Variants in ZNRF1 observed in about 807,000 individuals in gnomAD.
ZNRF1 encodes zinc and ring finger 1.
A neutral mutation model predicts 18.4 loss-of-function variants in ZNRF1; 3 were observed. The observed-to-expected ratio is 0.16, with a 90% CI of 0.07 to 0.42. The LOEUF is 0.42. Among genes scored for constraint, ZNRF1 ranks in the 10% least tolerant of loss-of-function variants. ZNRF1 has a pLI of 0.99. For missense variants in ZNRF1, 310 were observed against 329.8 expected (o/e 0.94, Z 0.47); for synonymous variants, 157 against 144.2 (o/e 1.09, Z -0.64).
intron 1 of ZNRF1, among the ~76,000 whole-genome samples, chr16:75,059,229 C>CTTTTTTTT (rs35291578): frequency 2.1e-3 from 192 of 92,902 alleles, no homozygotes; most frequent in African/African-American, 3.0e-3. Context: ...TTCTTTCTTT[C>CTTTTTTTT]TTTTTTTTTT....
At chr16:75,031,491 T>G (rs974528067) in intron 1 of ZNRF1, among the ~76,000 whole-genome samples, 1 of 151,646 alleles carries the variant, frequency 6.6e-6, no homozygotes, top group African/African-American at 2.4e-5. Context: ...TTTCTAAGGT[T>G]TTTTGTTTGT....
At chr16:75,003,138 T>G (rs1486121107) in intron 1 of ZNRF1, among the ~76,000 whole-genome samples, 4 of 152,200 alleles carry the variant, frequency 2.6e-5, no homozygotes, top group African/African-American at 9.7e-5. Context: ...CTAATTTTGT[T>G]TTTTGTAGAG....
At chr16:75,059,229 CTTTTT>C (rs35291578) in intron 1 of ZNRF1, among the ~76,000 whole-genome samples, 7 of 92,916 alleles carry the variant, frequency 7.5e-5, no homozygotes, top group Admixed American at 5.7e-4. Context: ...TTCTTTCTTT[CTTTTT>C]TTTTTTTTTT....
intron 1 of ZNRF1, among the ~76,000 whole-genome samples, chr16:75,083,580 T>G (rs2036040642): frequency 6.6e-6 from 1 of 152,150 alleles, no homozygotes. Flanking sequence ...AGGCACAGTA[T>G]TATTAGATTA....
chr16:75,003,506 G>A (rs1369147594), intron 1 of ZNRF1, among the ~76,000 whole-genome samples: 2 of 152,144 alleles, frequency 1.3e-5, no homozygotes, highest in East Asian at 3.8e-4. Context: ...CCCCCATTGT[G>A]CAGGTAAGGA....
chr16:75,010,214 C>T (rs967397913), intron 1 of ZNRF1, among the ~76,000 whole-genome samples: 4 of 152,142 alleles, frequency 2.6e-5, no homozygotes, highest in African/African-American at 4.8e-5. Flanking sequence ...AACTCCTGGC[C>T]TCAGGTGATC....
chr16:75,084,870 T>C (rs2036055757), intron 1 of ZNRF1, among the ~76,000 whole-genome samples: 1 of 152,242 alleles, frequency 6.6e-6, no homozygotes, highest in Non-Finnish European at 1.5e-5. Context: ...CTTTGTTCAA[T>C]GTTTATTAAA....
At chr16:75,059,229 C>CTTTTTTTTTTTTTT (rs35291578) in intron 1 of ZNRF1, among the ~76,000 whole-genome samples, 15 of 92,876 alleles carry the variant, frequency 1.6e-4, no homozygotes, top group Admixed American at 2.9e-4. Flanking sequence ...TTCTTTCTTT[C>CTTTTTTTTTTTTTT]TTTTTTTTTT....
chr16:75,053,589 CAAAAAAAAA>C (rs56775288), intron 1 of ZNRF1, among the ~76,000 whole-genome samples: 5 of 71,624 alleles, frequency 7.0e-5, no homozygotes, highest in Non-Finnish European at 9.3e-5. Context: ...GACTCCATCT[CAAAAAAAAA>C]AAAAAAAAAA....
intron 1 of ZNRF1, among the ~76,000 whole-genome samples, chr16:75,062,804 G>T (rs1489479853): frequency 1.3e-5 from 2 of 152,248 alleles, no homozygotes; most frequent in African/African-American, 4.8e-5. Context: ...GTTACAGGCT[G>T]TGTGTGAATA....
At chr16:75,063,869 C>G (rs574874766) in intron 1 of ZNRF1, among the ~76,000 whole-genome samples, 1 of 152,326 alleles carries the variant, frequency 6.6e-6, no homozygotes, top group East Asian at 1.9e-4. Context: ...TTGGCTGTGA[C>G]CTCCCTGTGT....
intron 1 of ZNRF1, among the ~76,000 whole-genome samples, chr16:75,052,190 G>A (rs1038169495): frequency 6.6e-6 from 1 of 152,114 alleles, no homozygotes; most frequent in East Asian, 1.9e-4. Context: ...CTTGAACCCA[G>A]AAGTTCGAGA....
chr16:75,106,651 G>C, intron 4 of ZNRF1, 80 bp downstream of exon 4: 2 of 1,190,120 alleles, frequency 1.7e-6, no homozygotes, highest in Non-Finnish European at 2.5e-6. Context: ...AGGGAGCCGG[G>C]CTGCCCTTAT....
intron 1 of ZNRF1, among the ~76,000 whole-genome samples, chr16:75,074,804 A>T (rs1285132122): frequency 6.6e-6 from 1 of 152,200 alleles, no homozygotes; most frequent in Admixed American, 6.5e-5. Context: ...GCAGTGGCTC[A>T]TGCCTATAAT....
intron 4 of ZNRF1, chr16:75,107,008 A>C (rs2036324456): frequency 5.3e-6 from 1 of 188,064 alleles, no homozygotes; most frequent in African/African-American, 2.3e-5. Flanking sequence ...CATTGCACTT[A>C]CTAAACAGCC....
chr16:75,052,956 T>G (rs1284106716), intron 1 of ZNRF1, among the ~76,000 whole-genome samples: 1 of 152,188 alleles, frequency 6.6e-6, no homozygotes, highest in East Asian at 1.9e-4. Flanking sequence ...ATCTGAGCCT[T>G]TTCATTTGCT....
At chr16:75,036,102 C>T (rs1022386444) in intron 1 of ZNRF1, among the ~76,000 whole-genome samples, 1 of 152,158 alleles carries the variant, frequency 6.6e-6, no homozygotes, top group Admixed American at 6.5e-5. Flanking sequence ...CTCTCCTCCT[C>T]TGCTCATGTT....
chr16:75,079,972 G>T (rs901288619), intron 1 of ZNRF1, among the ~76,000 whole-genome samples: 13 of 152,260 alleles, frequency 8.5e-5, no homozygotes, highest in Non-Finnish European at 1.2e-4. Context: ...CTGGAGTGCA[G>T]TGGCGCGAGC....
chr16:75,041,951 A>G (rs867971824), intron 1 of ZNRF1, among the ~76,000 whole-genome samples: 5 of 152,092 alleles, frequency 3.3e-5, no homozygotes, highest in African/African-American at 9.7e-5. Flanking sequence ...AGCTGAGATC[A>G]TGCCACTGCA....
Sources: allele counts gnomAD v4.1 joint callset (sites outside exome capture counted in the v4.1 genomes callset), GRCh38; gene constraint gnomAD v4.1.1; transcripts MANE v1.5; gene names NCBI Gene and HGNC (gene_info 2026-07-23, HGNC 2026-07-21).